PTPN3: variants seen among roughly 807,000 people sequenced by gnomAD.
PTPN3 encodes tyrosine-protein phosphatase non-receptor type 3.
Under a neutral mutation model 132.7 loss-of-function variants are expected in PTPN3, and 96 were observed. The ratio of observed to expected loss-of-function variants is 0.72; its 90% confidence interval spans 0.61 to 0.86. The LOEUF (loss-of-function observed/expected upper bound fraction) is 0.86, where lower values mean the gene tolerates loss of function less well. Ranked by LOEUF, PTPN3 falls within the 40% of genes least tolerant of loss-of-function variation. The pLI is 0.00. For missense variants in PTPN3, 1,125 were observed against 1,159.6 expected, an observed-to-expected ratio of 0.97 and a Z score of 0.43; for synonymous variants, 398 against 429.0, an observed-to-expected ratio of 0.93 and a Z score of 0.89.
chr9:109,406,179 T>A (rs1265749679), intron 18 of PTPN3, among the ~76,000 whole-genome samples: 1 of 152,170 alleles, frequency 6.6e-6, no homozygotes, highest in Non-Finnish European at 1.5e-5. Context: ...TGGGCTGCGC[T>A]GGGCCTGGGA....
the PTPN3 span, among the ~76,000 whole-genome samples, chr9:109,535,006 A>C: frequency 6.6e-6 from 1 of 152,258 alleles, no homozygotes; most frequent in African/African-American, 2.4e-5. Flanking sequence ...GTTCAAAGAC[A>C]GGTCTTTATG....
Position 109,422,793 on chromosome 9 carries a change from A to G in PTPN3, c.1061T>C (p.Met354Thr), listed in dbSNP as rs568051655. The G allele has an allele frequency of 1.5e-5, 24 of 1,611,704 alleles. No homozygotes were observed. In the East Asian group the frequency reaches 1.8e-4, roughly 12 times the overall value. Reference sequence around the variant, plus strand: ...GTGCTCCACTGATAAGGATCTCCGCATGGCTGGGTTCCACACCATCCCGCC... The same window carrying G: ...GTGCTCCACTGATAAGGATCTCCGCGTGGCTGGGTTCCACACCATCCCGCC... ...VIGGMVWNPAMRRSLSVEHLE... is the reference protein window; with the variant it reads ...VIGGMVWNPATRRSLSVEHLE... Residue 354 changes from methionine to threonine, a missense_variant, in exon 13 of 26, where the codon ATG becomes ACG. Physicochemically the swap from Met to Thr is moderately conservative, Grantham distance 81 (BLOSUM62 -1). Coordinates refer to ENST00000374541, the MANE Select transcript of PTPN3 (RefSeq NM_002829.4).
At chr9:109,415,697 T>C (rs1375081066) in intron 14 of PTPN3, among the ~76,000 whole-genome samples, 3 of 151,996 alleles carry the variant, frequency 2.0e-5, no homozygotes, top group Non-Finnish European at 4.4e-5. Flanking sequence ...ATGTAAGAGA[T>C]GTCTGGGAGG....
the PTPN3 span, chr9:109,533,725 A>G: frequency 2.1e-6 from 3 of 1,463,264 alleles, no homozygotes; most frequent in East Asian, 2.3e-5. Context: ...GTCCACGCCC[A>G]TAGGGTCTCC....
chr9:109,438,501 G>A (rs1844221498), intron 7 of PTPN3, among the ~76,000 whole-genome samples: 1 of 152,188 alleles, frequency 6.6e-6, no homozygotes, highest in African/African-American at 2.4e-5. Context: ...AGGAGACGGT[G>A]TTTGAACCTA....
At chr9:109,519,066 A>T in the PTPN3 span, among the ~76,000 whole-genome samples, 1 of 152,116 alleles carries the variant, frequency 6.6e-6, no homozygotes, top group Non-Finnish European at 1.5e-5. Context: ...TGCCTAGTCC[A>T]CTTGACCTCT....
chr9:109,458,565 A>G (rs1435673111), intron 2 of PTPN3, among the ~76,000 whole-genome samples: 1 of 152,194 alleles, frequency 6.6e-6, no homozygotes, highest in Non-Finnish European at 1.5e-5. Context: ...GGAGAATTAG[A>G]TAACTGTCAG....
chr9:109,415,225 C>T (rs7030930), intron 14 of PTPN3, among the ~76,000 whole-genome samples: 129,267 of 152,054 alleles, frequency 0.85, 55,278 homozygotes, highest in African/African-American at 0.95. Flanking sequence ...AAAGAATTCA[C>T]TGTCCAAAGG....
intron 5 of PTPN3, chr9:109,449,166 G>T: frequency 8.7e-7 from 1 of 1,153,334 alleles, no homozygotes; most frequent in Non-Finnish European, 1.1e-6. Context: ...GGTACTATGG[G>T]TTCCGCTGTC....
chr9:109,494,393 G>A (rs567311695), intron 1 of PTPN3, among the ~76,000 whole-genome samples: 2 of 152,230 alleles, frequency 1.3e-5, no homozygotes, highest in East Asian at 1.9e-4. Flanking sequence ...AGCCATGATC[G>A]GGCCACTGCA....
chr9:109,519,452 C>T, the PTPN3 span, among the ~76,000 whole-genome samples: 4 of 152,098 alleles, frequency 2.6e-5, no homozygotes, highest in Admixed American at 6.6e-5. Flanking sequence ...ATGATGGGTT[C>T]GCTGGGATGT....
intron 23 of PTPN3, 121 bp downstream of exon 23, chr9:109,383,302 C>T: frequency 1.3e-6 from 2 of 1,556,496 alleles, no homozygotes; most frequent in Non-Finnish European, 1.8e-6. Flanking sequence ...GTCTTGCGCA[C>T]TTACTGACAC....
intron 21 of PTPN3, 44 bp from the exon 22 acceptor site, chr9:109,389,423 G>A: frequency 6.4e-7 from 1 of 1,568,894 alleles, no homozygotes; most frequent in Non-Finnish European, 8.7e-7. Context: ...TGCTGCCCCA[G>A]GGTGCACAGG....
intron 14 of PTPN3, among the ~76,000 whole-genome samples, chr9:109,412,942 ATTTTT>A (rs34903384): frequency 7.1e-6 from 1 of 140,024 alleles, no homozygotes; most frequent in African/African-American, 2.6e-5. Flanking sequence ...GCCCTAACCT[ATTTTT>A]TTTTTTTTTT....
At chr9:109,451,936 T>C (rs1288866357) in intron 5 of PTPN3, among the ~76,000 whole-genome samples, 1 of 152,110 alleles carries the variant, frequency 6.6e-6, no homozygotes, top group East Asian at 1.9e-4. Context: ...CAGTTGGTTG[T>C]ACAATCAATT....
chr9:109,493,799 G>A (rs1029716780), intron 1 of PTPN3, among the ~76,000 whole-genome samples: 6 of 152,184 alleles, frequency 3.9e-5, no homozygotes, highest in Non-Finnish European at 8.8e-5. Context: ...GCAGCCAGGG[G>A]GAGGCCGGGC....
In PTPN3 at chr9:109,428,943, G is replaced by A. The variant is rs184825084; in HGVS notation, c.765-259C>T. 2.1e-5 allele frequency: 21 copies of A among 985,418 alleles called. No homozygotes were observed. The East Asian group carries it at 4.5e-4, about 21-fold the overall frequency. The allele number at this position is 985,418 out of a possible 1,614,324, so 61.0% of individuals were successfully genotyped here. ...AAATAACAAGAAACATAGGCCATGCGCTCTCTTTGCTATAAGCTGCTTTTG... is the reference window on the plus strand; with the variant it reads ...AAATAACAAGAAACATAGGCCATGCACTCTCTTTGCTATAAGCTGCTTTTG... On this transcript the variant is annotated intron_variant, in intron 10 of 25. Coordinates refer to ENST00000374541, the MANE Select transcript of PTPN3 (RefSeq NM_002829.4).
At position 109,376,345 on chromosome 9, in the gene PTPN3, A is replaced by G. The variant is rs945725975; in HGVS notation, c.*3211T>C. Reference sequence around the variant, plus strand: ...AGAGGGCTTTTTCGCTTGCCCTCAAATGCTCATTTCTGAGGTACCCCCCCC... The same window carrying G: ...AGAGGGCTTTTTCGCTTGCCCTCAAGTGCTCATTTCTGAGGTACCCCCCCC... On this transcript the variant is annotated 3_prime_UTR_variant, in exon 26 of 26. Transcript: ENST00000374541. The G allele has an allele frequency of 4.6e-5, 7 of 152,126 alleles. No individual in the cohort carries two copies. Among genetic ancestry groups the G allele is most frequent in the African/African-American group, 1.2e-4 (5 of 41,418 alleles). 9.4% of individuals were successfully genotyped at this position (152,126 alleles called of 1,614,324 possible).
chr9:109,395,223 A>G (rs1387891514), intron 19 of PTPN3, among the ~76,000 whole-genome samples: 1 of 152,174 alleles, frequency 6.6e-6, no homozygotes, highest in East Asian at 1.9e-4. Flanking sequence ...TTATTTCTGA[A>G]TTATCTGAAT....
Sources: gnomAD v4.1 joint callset for allele counts (sites outside exome capture counted in the v4.1 genomes callset) on GRCh38, gnomAD v4.1.1 for gene constraint, MANE v1.5 for transcripts, NCBI Gene and HGNC (gene_info 2026-07-23, HGNC 2026-07-21) for gene names.